CAMLG: variants seen among roughly 807,000 people sequenced by gnomAD.
CAMLG encodes guided entry of tail-anchored proteins factor CAMLG.
A neutral mutation model predicts 28.9 loss-of-function variants in CAMLG; 23 were observed. That is an observed-to-expected ratio of 0.80 (90% CI 0.57 to 1.13). CAMLG has a LOEUF of 1.13. Ranked by LOEUF, CAMLG falls within the 50% of genes most tolerant of loss-of-function variation. CAMLG has a pLI of 0.00. For synonymous variants in CAMLG, 141 were observed against 146.5 expected, an observed-to-expected ratio of 0.96 and a Z score of 0.27; for missense variants, 367 against 371.9, an observed-to-expected ratio of 0.99 and a Z score of 0.11.
At chr5:134,744,704 G>A (rs1753025218) in intron 3 of CAMLG, among the ~76,000 whole-genome samples, 1 of 152,038 alleles carries the variant, frequency 6.6e-6, no homozygotes, top group African/African-American at 2.4e-5. Flanking sequence ...AATTCATTTT[G>A]TCTATAATAA....
intron 3 of CAMLG, among the ~76,000 whole-genome samples, chr5:134,745,535 T>C (rs1753036704): frequency 6.6e-6 from 1 of 151,690 alleles, no homozygotes; most frequent in African/African-American, 2.4e-5. Flanking sequence ...GTGGATCACC[T>C]GAGGTCAGGA....
In CAMLG at chr5:134,750,879, C is replaced by G. The variant is rs1174884332; in HGVS notation, c.820C>G (p.Leu274Val). ...YSKMGEVFTD[L>V]CVYFFTFIFC... is the part of the protein sequence containing the mutation. ...CAAAATGGGCGAAGTCTTCACAGAT[C>G]TCTGTGTCTACTTTTTCACTTTTAT... The change falls in exon 4 of 4, where the codon CTC becomes GTC. Residue 274 changes from leucine (L) to valine (V), a missense_variant. By Grantham distance (32) the Leu-to-Val change is conservative (BLOSUM62 1). Coordinates refer to ENST00000297156, the MANE Select transcript of CAMLG (RefSeq NM_001745.4). The G allele has an allele frequency of 1.2e-6, 2 of 1,613,556 alleles. No homozygotes were observed. Among genetic ancestry groups the G allele is most frequent in the African/African-American group, 2.7e-5 (2 of 74,868 alleles).
At chr5:134,738,894 C>T in intron 1 of CAMLG, 102 bp downstream of exon 1, 1 of 1,175,310 alleles carries the variant, frequency 8.5e-7, no homozygotes, top group South Asian at 1.3e-5. Context: ...TTTGACCAAG[C>T]CTTGCTCTTT....
In CAMLG at chr5:134,741,469, G is replaced by T. The variant is rs907493794; in HGVS notation, c.579G>T (p.Leu193Phe). Residue 193 changes from leucine to phenylalanine, a missense_variant, in exon 2 of 4, where the codon TTG becomes TTT. Transcript: ENST00000297156. ...EEFDSFRIFR[L>F]VGCALLALGV... ...TTGACTCTTTTCGAATATTTAGATTGGTGGGATGTGCTCTTCTTGCTCTTG... is the reference window on the plus strand; with the variant it reads ...TTGACTCTTTTCGAATATTTAGATTTGTGGGATGTGCTCTTCTTGCTCTTG... The T allele has an allele frequency of 2.5e-6, 4 of 1,613,928 alleles. No individual in the cohort carries two copies.
intron 2 of CAMLG, among the ~76,000 whole-genome samples, chr5:134,741,917 G>T (rs2150120986): frequency 6.6e-6 from 1 of 152,276 alleles, no homozygotes; most frequent in African/African-American, 2.4e-5. Flanking sequence ...CTGCACTCCA[G>T]CCTGGGTGAC....
chr5:134,743,737 G>A (rs1312752468), intron 2 of CAMLG, among the ~76,000 whole-genome samples: 2 of 151,894 alleles, frequency 1.3e-5, no homozygotes, highest in Non-Finnish European at 2.9e-5. Context: ...GTGGTGGCGG[G>A]CGCCTGTAAT....
At position 134,747,352 on chromosome 5, in the gene CAMLG, T is replaced by C. The variant is rs1471196241; in HGVS notation, c.699+3300T>C. Among the ~76,000 whole-genome samples, 5 of 152,098 alleles carry C rather than the reference T, an allele frequency of 3.3e-5. No homozygotes were observed. The East Asian group carries it at 9.6e-4, about 29-fold the overall frequency. ...TACAATTTACTGTTTTAAGGTTCTT[T>C]AGGTAATTTTTTTTTTTTGAGACGA... On this transcript the variant is annotated intron_variant, in intron 3 of 3. Coordinates refer to ENST00000297156, the MANE Select transcript of CAMLG (RefSeq NM_001745.4).
At chr5:134,744,527 C>CAAA (rs751658223) in intron 3 of CAMLG, among the ~76,000 whole-genome samples, 2 of 60,592 alleles carry the variant, frequency 3.3e-5, no homozygotes, top group African/African-American at 1.0e-4. Flanking sequence ...ACTCTGTCTC[C>CAAA]AAAAAAAAAA....
rs776679756 is a variant in CAMLG at position 134,738,650 on chromosome 5, C to T, written c.30C>T (p.Gly10=). 1 of 1,612,288 alleles carries T rather than the reference C, an allele frequency of 6.2e-7. No homozygotes were observed. The highest frequency in any genetic ancestry group is 8.5e-7 in the Non-Finnish European group (1 of 1,179,452). MESMAVATD[G]GERPGVPAGS... is the part of the protein sequence containing the mutation. ...AGTCGATGGCCGTCGCTACCGACGG[C>T]GGGGAGAGGCCGGGGGTCCCAGCGG... Residue 10 remains glycine, a synonymous_variant, in exon 1 of 4, where the codon GGC becomes GGT. Coordinates refer to ENST00000297156, the MANE Select transcript of CAMLG (RefSeq NM_001745.4).
intron 2 of CAMLG, among the ~76,000 whole-genome samples, chr5:134,743,649 C>CTT (rs550850274): frequency 7.0e-4 from 106 of 151,776 alleles, no homozygotes; most frequent in African/African-American, 2.4e-3. Context: ...GGGTGGATCA[C>CTT]GAGGTCAGGA....
At position 134,752,152 on chromosome 5, in the gene CAMLG, A is replaced by T. The variant is rs985084455; in HGVS notation, c.*1202A>T. 2.6e-5 allele frequency: 4 copies of T among 152,210 alleles called. No individual in the cohort carries two copies. Among genetic ancestry groups the T allele is most frequent in the African/African-American group, 9.7e-5 (4 of 41,448 alleles). 9.4% of individuals were successfully genotyped at this position (152,210 alleles called of 1,614,324 possible). A position where few individuals can be genotyped will look rare whatever the true frequency, so the allele number is the denominator to read the frequency against. On this transcript the variant is annotated 3_prime_UTR_variant, in exon 4 of 4. Coordinates refer to ENST00000297156, the MANE Select transcript of CAMLG (RefSeq NM_001745.4). ...GACATTAAAAACACATACACTTTTT[A>T]AAAAATTACTCTTTAAGTCTTGATT...
Position 134,738,848 on chromosome 5 carries a change from C to T in CAMLG, c.172+56C>T, listed in dbSNP as rs970500607. ...GCCCATCACCTTGAATCTTCAGGGT[C>T]ATTCTTCCCTCTCCCACCTCCACTC... On this transcript the variant is annotated intron_variant, in intron 1 of 3. Transcript: ENST00000297156. The T allele has an allele frequency of 5.9e-6, 9 of 1,529,696 alleles. No individual in the cohort carries two copies. The African/African-American group carries it at 8.2e-5, about 14-fold the overall frequency. The allele number at this position is 1,529,696 out of a possible 1,614,324, so 94.8% of individuals were successfully genotyped here.
At chr5:134,742,878 A>T (rs1163771544) in intron 2 of CAMLG, among the ~76,000 whole-genome samples, 1 of 152,086 alleles carries the variant, frequency 6.6e-6, no homozygotes, top group African/African-American at 2.4e-5. Context: ...AGCTGGGACT[A>T]CAGGCATGTG....
chr5:134,742,784 G>C (rs1383996007), intron 2 of CAMLG, among the ~76,000 whole-genome samples: 1 of 151,960 alleles, frequency 6.6e-6, no homozygotes, highest in Non-Finnish European at 1.5e-5. Context: ...CTTTCGCCAG[G>C]CTGGAGTGCA....
In CAMLG at chr5:134,741,151, G is replaced by T. The variant is rs746956536; in HGVS notation, c.261G>T (p.Leu87=). The T allele has an allele frequency of 6.2e-7, 1 of 1,614,060 alleles. No homozygotes were observed. Among genetic ancestry groups the T allele is most frequent in the African/African-American group, 1.3e-5 (1 of 75,048 alleles). ...SVPSVSKRVV[L]GDSVSTGTTD... is the part of the protein sequence containing the mutation. ...CTTCCGTTTCAAAGCGAGTAGTGCTGGGTGATTCAGTCAGTACAGGAACAA... is the reference window on the plus strand; with the variant it reads ...CTTCCGTTTCAAAGCGAGTAGTGCTTGGTGATTCAGTCAGTACAGGAACAA... The change falls in exon 2 of 4, where the codon CTG becomes CTT. Residue 87 remains leucine, a synonymous_variant. Transcript: ENST00000297156.
At chr5:134,740,169 A>G (rs1267480966) in intron 1 of CAMLG, among the ~76,000 whole-genome samples, 1 of 152,158 alleles carries the variant, frequency 6.6e-6, no homozygotes, top group East Asian at 1.9e-4. Flanking sequence ...ACAGGATTAC[A>G]GGTGTGAGCC....
chr5:134,742,009 A>G (rs1226619600), intron 2 of CAMLG, among the ~76,000 whole-genome samples: 1 of 152,230 alleles, frequency 6.6e-6, no homozygotes, highest in East Asian at 1.9e-4. Context: ...CAAATAGTAA[A>G]TAATACAAAT....
intron 1 of CAMLG, among the ~76,000 whole-genome samples, chr5:134,740,649 A>G (rs920897243): frequency 2.0e-5 from 3 of 152,086 alleles, no homozygotes; most frequent in Non-Finnish European, 4.4e-5. Context: ...GCAGATGCAG[A>G]TGGAGTGTAG....
chr5:134,740,556 G>A (rs1181986688), intron 1 of CAMLG, among the ~76,000 whole-genome samples: 2 of 151,994 alleles, frequency 1.3e-5, no homozygotes, highest in Non-Finnish European at 2.9e-5. Flanking sequence ...ATTCATTTTG[G>A]GTGATACATT....
Sources: gnomAD v4.1 joint callset for allele counts (sites outside exome capture counted in the v4.1 genomes callset) on GRCh38, gnomAD v4.1.1 for gene constraint, MANE v1.5 for transcripts, NCBI Gene and HGNC (gene_info 2026-07-23, HGNC 2026-07-21) for gene names.